Variants in PTPRA observed in about 807,000 individuals in gnomAD.
PTPRA encodes protein tyrosine phosphatase receptor type A.
Under a neutral mutation model 104.8 loss-of-function variants are expected in PTPRA, and 25 were observed. That is an observed-to-expected ratio of 0.24 (90% CI 0.17 to 0.33). The LOEUF (loss-of-function observed/expected upper bound fraction) is 0.33. PTPRA is among the 10% of genes least tolerant of loss of function. PTPRA has a pLI of 1.00. For missense variants in PTPRA, 765 were observed against 1,015.3 expected (o/e 0.75, Z 3.35); for synonymous variants, 323 against 368.9 (o/e 0.88, Z 1.43).
At chr20:2,998,528 G>A (rs147597308) in intron 9 of PTPRA, among the ~76,000 whole-genome samples, 1 of 152,202 alleles carries the variant, frequency 6.6e-6, no homozygotes, top group Non-Finnish European at 1.5e-5. Context: ...TTTTGCAAGG[G>A]GCAGAAAAGA....
chr20:2,901,048 T>C (rs566600928), intron 1 of PTPRA, among the ~76,000 whole-genome samples: 35 of 152,084 alleles, frequency 2.3e-4, no homozygotes, highest in South Asian at 1.0e-3. Flanking sequence ...CTCGGCTCAC[T>C]GTGACCTCTG....
At chr20:2,871,958 G>A (rs1161786734), upstream of PTPRA, among the ~76,000 whole-genome samples, 1 of 152,212 alleles carries the variant, frequency 6.6e-6, no homozygotes, top group Non-Finnish European at 1.5e-5. Flanking sequence ...TGCTGGGGAG[G>A]GGACGGCCTG....
intron 6 of PTPRA, among the ~76,000 whole-genome samples, chr20:2,979,247 A>AT (rs929718259): frequency 7.2e-5 from 11 of 152,198 alleles, no homozygotes; most frequent in Non-Finnish European, 1.5e-4. Context: ...AGGTGTAAAG[A>AT]TTTTTTTGTC....
At chr20:2,999,513 C>T (rs1247557963) in intron 9 of PTPRA, among the ~76,000 whole-genome samples, 1 of 152,094 alleles carries the variant, frequency 6.6e-6, no homozygotes, top group African/African-American at 2.4e-5. Flanking sequence ...ATAGACAGAT[C>T]GACCAGTGGA....
intron 6 of PTPRA, among the ~76,000 whole-genome samples, chr20:2,982,339 G>T (rs2062712850): frequency 6.6e-6 from 1 of 151,976 alleles, no homozygotes; most frequent in Non-Finnish European, 1.5e-5. Context: ...CACCCGCCTC[G>T]GCCTCCCAAA....
In PTPRA at chr20:3,037,309, G is replaced by A. The variant is rs769053910; in HGVS notation, c.2334+20G>A. 5 of 1,612,736 alleles carry A rather than the reference G, an allele frequency of 3.1e-6. No individual in the cohort carries two copies. The Admixed American group carries it at 8.4e-5, about 27-fold the overall frequency. On this transcript the variant is annotated intron_variant, in intron 23 of 23. Coordinates refer to ENST00000399903, the MANE Select transcript of PTPRA (RefSeq NM_001385305.1). This position sits in a 1 kb window ranked among gnomAD's most constrained non-coding sequence, Gnocchi z 4.3. ...ACACTGGTATGCTGCCCACATATTTGTCCCTGCCACCACACCACCTGCAGC... is the reference window on the plus strand; with the variant it reads ...ACACTGGTATGCTGCCCACATATTTATCCCTGCCACCACACCACCTGCAGC...
At chr20:3,032,329 C>T (rs990549706) in intron 20 of PTPRA, among the ~76,000 whole-genome samples, 8 of 152,194 alleles carry the variant, frequency 5.3e-5, no homozygotes, top group African/African-American at 1.9e-4. Context: ...CCTCCATCAG[C>T]AGTTCCCCTC....
At chr20:2,878,474 T>C (rs1351269336) in intron 1 of PTPRA, among the ~76,000 whole-genome samples, 1 of 152,214 alleles carries the variant, frequency 6.6e-6, no homozygotes, top group African/African-American at 2.4e-5. Flanking sequence ...CCTCCCAAAG[T>C]GCTGGGATTA....
intron 9 of PTPRA, among the ~76,000 whole-genome samples, chr20:2,999,415 A>G (rs2063536568): frequency 6.6e-6 from 1 of 152,244 alleles, no homozygotes. Flanking sequence ...TTCCTGAAGA[A>G]GAAGAACAAG....
At chr20:3,028,559 C>T (rs541230428) in intron 20 of PTPRA, among the ~76,000 whole-genome samples, 1 of 152,212 alleles carries the variant, frequency 6.6e-6, no homozygotes, top group Admixed American at 6.5e-5. Flanking sequence ...TCCCTCACCC[C>T]CCACATTATG....
At chr20:3,033,879 A>C (rs543419277) in intron 20 of PTPRA, among the ~76,000 whole-genome samples, 99 of 141,252 alleles carry the variant, frequency 7.0e-4, no homozygotes, top group African/African-American at 2.5e-3. Flanking sequence ...CAGCGTGGGC[A>C]ATAAGAGTGA....
At chr20:2,934,012 A>T (rs927812832) in intron 2 of PTPRA, among the ~76,000 whole-genome samples, 2 of 152,190 alleles carry the variant, frequency 1.3e-5, no homozygotes, top group African/African-American at 4.8e-5. Context: ...TTATTTATAT[A>T]CTTAAAACTT....
chr20:2,978,786 A>G (rs149648005), intron 6 of PTPRA, among the ~76,000 whole-genome samples: 40 of 152,312 alleles, frequency 2.6e-4, no homozygotes, highest in Middle Eastern at 6.8e-3. Flanking sequence ...AAAAGCAGCC[A>G]TAGATGGTAT....
At position 2,951,322 on chromosome 20, in the gene PTPRA, G is replaced by A. The variant is rs1414517817; in HGVS notation, c.-7+3298G>A. Among the ~76,000 whole-genome samples the A allele has an allele frequency of 2.0e-5, 3 of 152,132 alleles. No homozygotes were observed. The South Asian group carries it at 6.2e-4, about 32-fold the overall frequency. ...TCACCATGTTAGCCAGGATGGTCTC[G>A]ATCTCCTGACCTCGTGATCCGCCCA... On this transcript the variant is annotated intron_variant, in intron 3 of 23. Transcript: ENST00000399903.
chr20:3,035,481 C>G lies in PTPRA; in HGVS notation c.1921-104C>G. Reference sequence around the variant, plus strand: ...ATACCTTGGGGACGAAGCGTATCAGCGTAAGAGGTGGCTGTACTGAGAGGG... The same window carrying G: ...ATACCTTGGGGACGAAGCGTATCAGGGTAAGAGGTGGCTGTACTGAGAGGG... On this transcript the variant is annotated intron_variant, in intron 20 of 23. Coordinates refer to ENST00000399903, the MANE Select transcript of PTPRA (RefSeq NM_001385305.1). The surrounding 1 kb of genome is among the most constrained non-coding windows in gnomAD (Gnocchi z 5.8). 5 of 1,332,814 alleles carry G rather than the reference C, an allele frequency of 3.8e-6. No homozygotes were observed. The highest frequency in any genetic ancestry group is 5.2e-6 in the Non-Finnish European group (5 of 958,746). The allele number at this position is 1,332,814 out of a possible 1,614,324, so 82.6% of individuals were successfully genotyped here. A position where few individuals can be genotyped will look rare whatever the true frequency, so the allele number is the denominator to read the frequency against.
chr20:2,897,307 A>G (rs2059037308), intron 1 of PTPRA, among the ~76,000 whole-genome samples: 1 of 151,798 alleles, frequency 6.6e-6, no homozygotes, highest in Admixed American at 6.6e-5. Context: ...TTGTGCCTGA[A>G]TCAGTTATTA....
At chr20:2,991,468 A>G (rs2063172072) in intron 9 of PTPRA, among the ~76,000 whole-genome samples, 1 of 152,178 alleles carries the variant, frequency 6.6e-6, no homozygotes, top group Admixed American at 6.5e-5. Flanking sequence ...GTAATCTATA[A>G]TGCCAACTGC....
chr20:3,019,662 C>T (rs1346677096), intron 13 of PTPRA, among the ~76,000 whole-genome samples: 1 of 152,038 alleles, frequency 6.6e-6, no homozygotes, highest in Admixed American at 6.6e-5. Context: ...CCTCACTTCC[C>T]AGACGGGGTG....
intron 1 of PTPRA, among the ~76,000 whole-genome samples, chr20:2,912,622 TCAAAAA>T (rs1259033061): frequency 2.0e-5 from 3 of 152,182 alleles, no homozygotes; most frequent in Non-Finnish European, 4.4e-5. Flanking sequence ...AGACCCTGTC[TCAAAAA>T]CAGACAACGA....
Sources: allele counts gnomAD v4.1 joint callset (sites outside exome capture counted in the v4.1 genomes callset), GRCh38; gene constraint gnomAD v4.1.1; non-coding constraint Gnocchi (gnomAD v3.1); transcripts MANE v1.5; gene names NCBI Gene and HGNC (gene_info 2026-07-23, HGNC 2026-07-21).